The following SEPTIN7 variants were observed in gnomAD, a reference collection of about 807,000 sequenced individuals.
The protein encoded by SEPTIN7 is septin 7.
Under a neutral mutation model 63.3 loss-of-function variants are expected in SEPTIN7, and 10 were observed. The ratio of observed to expected loss-of-function variants is 0.16; its 90% CI spans 0.10 to 0.27. SEPTIN7 has a LOEUF of 0.27. Ranked by LOEUF, SEPTIN7 falls within the 10% of genes least tolerant of loss-of-function variation. SEPTIN7 has a pLI of 1.00. For missense variants in SEPTIN7, 310 were observed against 521.0 expected, an observed-to-expected ratio of 0.59 and a Z score of 3.94; for synonymous variants, 131 against 165.3, an observed-to-expected ratio of 0.79 and a Z score of 1.59.
chr7:35,801,301 G>A, intron 1 of SEPTIN7, 31 bp downstream of exon 1: 1 of 1,517,060 alleles, frequency 6.6e-7, no homozygotes, highest in Admixed American at 2.2e-5. Context: ...CCGCGACTTG[G>A]GGTCAGCGGC....
At chr7:35,902,209 T>G (rs1343213912) in intron 12 of SEPTIN7, 2 of 151,956 alleles carry the variant, frequency 1.3e-5, no homozygotes, top group South Asian at 4.1e-4. Context: ...TTTTAAAATT[T>G]GTTGACTTTT....
intron 3 of SEPTIN7, among the ~76,000 whole-genome samples, chr7:35,853,930 T>C (rs774900046): frequency 9.2e-5 from 14 of 152,158 alleles, no homozygotes; most frequent in Non-Finnish European, 1.5e-4. Flanking sequence ...TAGTAAGTTA[T>C]TTCACTTTTG....
At chr7:35,841,137 C>G (rs947854308) in intron 3 of SEPTIN7, among the ~76,000 whole-genome samples, 1 of 152,060 alleles carries the variant, frequency 6.6e-6, no homozygotes, top group African/African-American at 2.4e-5. Flanking sequence ...AGGAGAATTG[C>G]TTGAACCCGG....
At chr7:35,843,905 A>G (rs367697581) in intron 3 of SEPTIN7, among the ~76,000 whole-genome samples, 5 of 152,178 alleles carry the variant, frequency 3.3e-5, no homozygotes, top group East Asian at 1.9e-4. Flanking sequence ...CAAAGAATCA[A>G]ATGTGAAGAT....
At chr7:35,875,428 G>A (rs1786411857) in intron 6 of SEPTIN7, among the ~76,000 whole-genome samples, 1 of 152,136 alleles carries the variant, frequency 6.6e-6, no homozygotes, top group African/African-American at 2.4e-5. Flanking sequence ...GAAATTCCAT[G>A]CAGTCTAATA....
chr7:35,913,678 C>G, the SEPTIN7 span, among the ~76,000 whole-genome samples: 4 of 152,016 alleles, frequency 2.6e-5, no homozygotes, highest in African/African-American at 9.7e-5. Flanking sequence ...GCAGCCTTCA[C>G]CTCTTCAGCT....
downstream of SEPTIN7, among the ~76,000 whole-genome samples, chr7:35,911,468 A>C (rs1422204539): frequency 2.0e-5 from 3 of 152,202 alleles, no homozygotes; most frequent in Non-Finnish European, 4.4e-5. Flanking sequence ...GTACTTGTTT[A>C]GGAAGATTGC....
intron 7 of SEPTIN7, among the ~76,000 whole-genome samples, chr7:35,881,356 C>G (rs897290113): frequency 6.6e-6 from 1 of 151,642 alleles, no homozygotes; most frequent in African/African-American, 2.4e-5. Context: ...ATGAAGTGAC[C>G]TCTTCTTTCA....
intron 12 of SEPTIN7, chr7:35,899,074 G>A (rs1276395108): frequency 6.6e-6 from 1 of 152,020 alleles, no homozygotes; most frequent in Non-Finnish European, 1.5e-5. Flanking sequence ...CCTTCAATAG[G>A]TGGCAAGAAA....
At chr7:35,847,625 CTT>C (rs552573557) in intron 3 of SEPTIN7, among the ~76,000 whole-genome samples, 2 of 152,194 alleles carry the variant, frequency 1.3e-5, no homozygotes, top group African/African-American at 4.8e-5. Context: ...CTTTTTGAAA[CTT>C]TTTTTGCCTA....
At chr7:35,844,162 C>T (rs889286548) in intron 3 of SEPTIN7, among the ~76,000 whole-genome samples, 1 of 152,160 alleles carries the variant, frequency 6.6e-6, no homozygotes, top group African/African-American at 2.4e-5. Context: ...ATGATTACTT[C>T]TACCCTCAAA....
At chr7:35,819,936 A>C (rs1166144655) in intron 1 of SEPTIN7, among the ~76,000 whole-genome samples, 1 of 151,442 alleles carries the variant, frequency 6.6e-6, no homozygotes, top group Non-Finnish European at 1.5e-5. Flanking sequence ...TAATCTAAGT[A>C]GTGATATGAT....
At chr7:35,852,260 G>A (rs1458621518) in intron 3 of SEPTIN7, among the ~76,000 whole-genome samples, 1 of 152,138 alleles carries the variant, frequency 6.6e-6, no homozygotes, top group Non-Finnish European at 1.5e-5. Flanking sequence ...CAGAAGTATG[G>A]TTTGCCCAAG....
intron 1 of SEPTIN7, among the ~76,000 whole-genome samples, chr7:35,827,886 T>C (rs767429098): frequency 6.6e-6 from 1 of 152,228 alleles, no homozygotes; most frequent in Non-Finnish European, 1.5e-5. Context: ...AATTTTGGGA[T>C]GATATGTTTT....
intron 1 of SEPTIN7, among the ~76,000 whole-genome samples, chr7:35,818,419 T>TTTTTACTCGATG (rs1197769286): frequency 6.6e-6 from 1 of 152,066 alleles, no homozygotes; most frequent in Non-Finnish European, 1.5e-5. Context: ...TATTGGTTGG[T>TTTTTACTCGATG]TGTTTTTACT....
chr7:35,900,901 A>T (rs1788283810), intron 12 of SEPTIN7: 2 of 152,208 alleles, frequency 1.3e-5, no homozygotes, highest in South Asian at 4.1e-4. Flanking sequence ...AGAATTAGGC[A>T]TGCTCATTCT....
intron 1 of SEPTIN7, among the ~76,000 whole-genome samples, chr7:35,828,934 C>T (rs1783661742): frequency 6.6e-6 from 1 of 152,058 alleles, no homozygotes; most frequent in African/African-American, 2.4e-5. Context: ...TGAGAGCTAT[C>T]TTTAAAACAG....
downstream of SEPTIN7, among the ~76,000 whole-genome samples, chr7:35,911,472 A>G (rs1204461273): frequency 6.6e-6 from 1 of 152,224 alleles, no homozygotes; most frequent in Admixed American, 6.5e-5. Flanking sequence ...TTGTTTAGGA[A>G]GATTGCATTG....
chr7:35,825,333 A>T (rs1295821165), intron 1 of SEPTIN7, among the ~76,000 whole-genome samples: 1 of 152,170 alleles, frequency 6.6e-6, no homozygotes, highest in Non-Finnish European at 1.5e-5. Context: ...CCTTGATCCT[A>T]AAAATGAGTT....
Sources: gnomAD v4.1 joint callset for allele counts (sites outside exome capture counted in the v4.1 genomes callset) on GRCh38, gnomAD v4.1.1 for gene constraint, MANE v1.5 for transcripts, NCBI Gene and HGNC (gene_info 2026-07-23, HGNC 2026-07-21) for gene names.